The following PINX1 variants were observed in gnomAD, a reference collection of about 807,000 sequenced individuals.
PINX1 encodes the protein PIN2 (TERF1) interacting telomerase inhibitor 1, also known as PIN2/TERF1-interacting telomerase inhibitor 1.
A neutral mutation model predicts 25.4 loss-of-function variants in PINX1; 34 were observed. The observed-to-expected ratio is 1.34, with a 90% confidence interval of 1.02 to 1.78. The LOEUF is 1.78. PINX1 is among the 40% of genes most tolerant of loss of function. The probability of loss-of-function intolerance (pLI) is 0.00; values close to 1 mark genes in which losing one functional copy is unlikely to be tolerated. For missense variants in PINX1, 592 were observed against 404.9 expected (o/e 1.46, Z -3.97); for synonymous variants, 197 against 147.7 (o/e 1.33, Z -2.42).
In PINX1 at chr8:10,831,975, CA is replaced by C. The variant is rs555941446; in HGVS notation, c.223-233del. ...TTCCTGGAAGCTTAAGGCCTGATTT[CA>C]AATGTGAATGACTTATCGATCAAGT... On this transcript the variant is annotated intron_variant, in intron 3 of 6. Coordinates refer to ENST00000314787, the MANE Select transcript of PINX1 (RefSeq NM_017884.6). Among the ~76,000 whole-genome samples the C allele has an allele frequency of 4.1e-4, 62 of 152,294 alleles. 3 individuals are homozygous for C. In the South Asian group the frequency reaches 0.013, roughly 31 times the overall value.
chr8:10,771,893 C>A (rs116952775), intron 6 of PINX1, among the ~76,000 whole-genome samples: 1 of 152,228 alleles, frequency 6.6e-6, no homozygotes, highest in African/African-American at 2.4e-5. Context: ...ATCTGAGTGT[C>A]GTCTGCTGTC....
At chr8:10,798,558 T>G (rs1265422463) in intron 6 of PINX1, among the ~76,000 whole-genome samples, 3 of 152,224 alleles carry the variant, frequency 2.0e-5, no homozygotes, top group African/African-American at 7.2e-5. Context: ...TAGCCAGGAC[T>G]CCTGGGGAAA....
Position 10,820,284 on chromosome 8 carries a change from T to C in PINX1, c.395-15A>G, listed in dbSNP as rs780244928. ...CAGATCCTTCCCTAGAAAAACAATG[T>C]GATGCTTTTCAGTAAGACTGTTCTT... is the stretch of plus-strand genomic sequence containing the variant. On this transcript the variant is annotated splice_polypyrimidine_tract_variant and intron_variant, in intron 5 of 6. Coordinates refer to ENST00000314787, the MANE Select transcript of PINX1 (RefSeq NM_017884.6). 9 of 1,572,214 alleles carry C rather than the reference T, an allele frequency of 5.7e-6. No homozygotes were observed. The highest frequency in any genetic ancestry group is 7.0e-6 in the Non-Finnish European group (8 of 1,143,092).
intron 3 of PINX1, among the ~76,000 whole-genome samples, chr8:10,832,458 A>G (rs1489780416): frequency 6.6e-6 from 1 of 152,208 alleles, no homozygotes; most frequent in Non-Finnish European, 1.5e-5. Context: ...GAAAATAAGT[A>G]TATCTGTGTT....
At chr8:10,804,635 G>A (rs1802379855) in intron 6 of PINX1, among the ~76,000 whole-genome samples, 1 of 151,956 alleles carries the variant, frequency 6.6e-6, no homozygotes, top group South Asian at 2.1e-4. Context: ...GGCTACTTAG[G>A]ATTACAATTT....
chr8:10,798,244 G>A (rs1463904501), intron 6 of PINX1, among the ~76,000 whole-genome samples: 2 of 152,228 alleles, frequency 1.3e-5, no homozygotes, highest in African/African-American at 4.8e-5. Flanking sequence ...GCCCACTGAA[G>A]TGTGCGTGTA....
At chr8:10,804,032 A>G (rs1802355931) in intron 6 of PINX1, among the ~76,000 whole-genome samples, 2 of 152,216 alleles carry the variant, frequency 1.3e-5, no homozygotes, top group African/African-American at 4.8e-5. Flanking sequence ...CTAGTTACCT[A>G]GTGAGCAACT....
intron 6 of PINX1, among the ~76,000 whole-genome samples, chr8:10,791,266 C>A (rs529170658): frequency 1.3e-5 from 2 of 152,250 alleles, no homozygotes; most frequent in East Asian, 3.9e-4. Flanking sequence ...CCAGAAAAGT[C>A]AAAATTAATT....
At chr8:10,792,395 G>A (rs897643383) in intron 6 of PINX1, among the ~76,000 whole-genome samples, 3 of 151,996 alleles carry the variant, frequency 2.0e-5, no homozygotes, top group African/African-American at 7.2e-5. Context: ...CGGGGGCCAC[G>A]TGCACACCTT....
At position 10,765,383 on chromosome 8, in the gene PINX1, GC is replaced by G. The variant is rs942801958; in HGVS notation, c.*17del. 4 of 1,570,470 alleles carry G rather than the reference GC, an allele frequency of 2.5e-6. No individual in the cohort carries two copies. In the African/African-American group the frequency reaches 4.1e-5, roughly 16 times the overall value. On this transcript the variant is annotated 3_prime_UTR_variant, in exon 7 of 7. Transcript: ENST00000314787. Reference sequence around the variant, plus strand: ...GCCCTGACAGCTGAGTGGTCGGAAGGCCCCGGCTGGGAAGGATTCATTTGGA... The same window carrying G: ...GCCCTGACAGCTGAGTGGTCGGAAGGCCCGGCTGGGAAGGATTCATTTGGA...
At chr8:10,829,829 C>G (rs1417107385) in intron 4 of PINX1, among the ~76,000 whole-genome samples, 1 of 152,172 alleles carries the variant, frequency 6.6e-6, no homozygotes, top group East Asian at 1.9e-4. Flanking sequence ...GGATTACAGG[C>G]ATACGCCACC....
chr8:10,766,165 GT>G (rs760717009), intron 6 of PINX1, among the ~76,000 whole-genome samples: 1 of 152,186 alleles, frequency 6.6e-6, no homozygotes, highest in Non-Finnish European at 1.5e-5. Context: ...ACCAGGTGGG[GT>G]GGTAGATGAC....
intron 6 of PINX1, among the ~76,000 whole-genome samples, chr8:10,780,872 C>A (rs1404508445): frequency 6.6e-6 from 1 of 152,132 alleles, no homozygotes; most frequent in African/African-American, 2.4e-5. Flanking sequence ...CCACATGGAA[C>A]CACAAAAGAC....
At chr8:10,825,661 G>A (rs572733761) in intron 5 of PINX1, among the ~76,000 whole-genome samples, 2 of 152,194 alleles carry the variant, frequency 1.3e-5, no homozygotes, top group Non-Finnish European at 2.9e-5. Context: ...TGCCTACGCT[G>A]TGAAATGGAG....
intron 6 of PINX1, among the ~76,000 whole-genome samples, chr8:10,773,005 A>G (rs1367138256): frequency 6.6e-6 from 1 of 152,150 alleles, no homozygotes; most frequent in Non-Finnish European, 1.5e-5. Flanking sequence ...AATTACATGA[A>G]TTTCAAATAC....
At position 10,765,731 on chromosome 8, in the gene PINX1, G is replaced by A. The variant is rs111270298; in HGVS notation, c.657C>T (p.Ala219=). The A allele has an allele frequency of 1.7e-5, 27 of 1,613,822 alleles. No homozygotes were observed. The highest frequency in any genetic ancestry group is 1.1e-4 in the South Asian group (10 of 91,090). ...GGTAACTTTCCACATCTTTACCTGT[G>A]GCCTCTTTATTTCTTTTCTTCCCCC... is the stretch of plus-strand genomic sequence containing the variant. ...RKRGKKRNKE[A]TGKDVESYLQ... Residue 219 remains alanine (A), a synonymous_variant, in exon 7 of 7, where the codon GCC becomes GCT. Coordinates refer to ENST00000314787, the MANE Select transcript of PINX1 (RefSeq NM_017884.6).
chr8:10,837,387 C>T (rs1798435331), intron 1 of PINX1, among the ~76,000 whole-genome samples: 1 of 152,218 alleles, frequency 6.6e-6, no homozygotes, highest in Non-Finnish European at 1.5e-5. Flanking sequence ...CTGGACTTTG[C>T]CCCGTGCATC....
chr8:10,799,906 T>C (rs564271960), intron 6 of PINX1, among the ~76,000 whole-genome samples: 2 of 152,322 alleles, frequency 1.3e-5, no homozygotes, highest in South Asian at 4.1e-4. Flanking sequence ...CGGTCTGAGT[T>C]AGTCCTTACT....
At chr8:10,816,632 A>G (rs1488582681) in intron 6 of PINX1, among the ~76,000 whole-genome samples, 2 of 152,254 alleles carry the variant, frequency 1.3e-5, no homozygotes, top group Non-Finnish European at 2.9e-5. Context: ...TATTTTCCAC[A>G]AAATAGCAAC....
Sources: gnomAD v4.1 joint callset for allele counts (sites outside exome capture counted in the v4.1 genomes callset) on GRCh38, gnomAD v4.1.1 for gene constraint, MANE v1.5 for transcripts, NCBI Gene and HGNC (gene_info 2026-07-23, HGNC 2026-07-21) for gene names.